The following CCSER1 variants were observed in gnomAD, a reference collection of about 807,000 sequenced individuals.
CCSER1 encodes the protein serine-rich coiled-coil domain-containing protein 1.
CCSER1 carries 41 observed loss-of-function variants against 82.0 expected under a neutral mutation model. The ratio of observed to expected loss-of-function variants is 0.50; its 90% CI spans 0.39 to 0.65. The LOEUF (loss-of-function observed/expected upper bound fraction) is 0.65, where lower values mean the gene tolerates loss of function less well. Ranked by LOEUF, CCSER1 falls within the 30% of genes least tolerant of loss-of-function variation. The pLI, the probability that CCSER1 is intolerant of heterozygous loss-of-function variation, is 0.00. For missense variants in CCSER1, 1,119 were observed against 1,064.2 expected (o/e 1.05, Z -0.72); for synonymous variants, 414 against 383.9 (o/e 1.08, Z -0.92).
intron 8 of CCSER1, among the ~76,000 whole-genome samples, chr4:90,897,737 C>G (rs1194412599): frequency 6.6e-6 from 1 of 152,072 alleles, no homozygotes; most frequent in Non-Finnish European, 1.5e-5. Context: ...TTTACATTGT[C>G]CATGAACAGT....
chr4:90,323,167 C>G (rs1266504581), intron 3 of CCSER1, among the ~76,000 whole-genome samples: 1 of 152,228 alleles, frequency 6.6e-6, no homozygotes, highest in East Asian at 1.9e-4. Flanking sequence ...CCTCCCTCTC[C>G]TTTCCTCAAG....
chr4:90,273,785 A>G (rs183419759), intron 1 of CCSER1, among the ~76,000 whole-genome samples: 3 of 152,260 alleles, frequency 2.0e-5, no homozygotes, highest in African/African-American at 7.2e-5. Context: ...ACCACACCAG[A>G]ACAACATGAG....
intron 8 of CCSER1, among the ~76,000 whole-genome samples, chr4:90,867,851 T>C (rs1765936378): frequency 6.6e-6 from 1 of 152,016 alleles, no homozygotes; most frequent in South Asian, 2.1e-4. Context: ...TCCAGTTCCA[T>C]TCATGTTGTT....
chr4:90,182,963 C>T (rs1443165037), intron 1 of CCSER1, among the ~76,000 whole-genome samples: 1 of 151,772 alleles, frequency 6.6e-6, no homozygotes, highest in East Asian at 1.9e-4. Flanking sequence ...GAAGGACATC[C>T]ATTTGTAATT....
chr4:90,907,052 A>G (rs898200040), intron 8 of CCSER1, among the ~76,000 whole-genome samples: 2 of 152,196 alleles, frequency 1.3e-5, no homozygotes, highest in African/African-American at 2.4e-5. Flanking sequence ...ATGCAGCCAT[A>G]TAAGCTTCTA....
chr4:90,222,642 C>G (rs1414888154), intron 1 of CCSER1, among the ~76,000 whole-genome samples: 2 of 152,150 alleles, frequency 1.3e-5, no homozygotes, highest in African/African-American at 2.4e-5. Flanking sequence ...CCTTGGTACT[C>G]TCTACCAACA....
At chr4:91,203,411 T>A (rs996331424) in intron 10 of CCSER1, among the ~76,000 whole-genome samples, 3 of 152,002 alleles carry the variant, frequency 2.0e-5, no homozygotes, top group Non-Finnish European at 4.4e-5. Context: ...TGTGTATTGA[T>A]TGCCTAATAC....
chr4:90,908,362 G>A (rs1008327360), intron 8 of CCSER1, among the ~76,000 whole-genome samples: 2 of 152,030 alleles, frequency 1.3e-5, no homozygotes, highest in African/African-American at 4.8e-5. Flanking sequence ...TGTGAGGAGA[G>A]TCATGTTTGC....
At chr4:90,553,666 T>C (rs1370259505) in intron 5 of CCSER1, among the ~76,000 whole-genome samples, 1 of 152,170 alleles carries the variant, frequency 6.6e-6, no homozygotes, top group Non-Finnish European at 1.5e-5. Context: ...TTTTAATTGG[T>C]TATAAATAAT....
chr4:91,183,172 T>A (rs1295395701), intron 10 of CCSER1, among the ~76,000 whole-genome samples: 4 of 152,238 alleles, frequency 2.6e-5, no homozygotes, highest in Non-Finnish European at 5.9e-5. Context: ...GTTGTTCATC[T>A]GTATGTAATA....
intron 8 of CCSER1, among the ~76,000 whole-genome samples, chr4:90,845,237 C>T (rs1763069257): frequency 6.6e-6 from 1 of 151,806 alleles, no homozygotes; most frequent in Non-Finnish European, 1.5e-5. Flanking sequence ...TGACACGCGC[C>T]TGTAATCCCA....
At chr4:90,217,106 T>C (rs1389117440) in intron 1 of CCSER1, among the ~76,000 whole-genome samples, 1 of 152,194 alleles carries the variant, frequency 6.6e-6, no homozygotes, top group Non-Finnish European at 1.5e-5. Context: ...ATAGCAGTGC[T>C]ACTAATTTTC....
Position 90,506,730 on chromosome 4 carries a change from A to C in CCSER1, c.1724+38376A>C, listed in dbSNP as rs905835197. ...CATTGAGCCAAAATTGTGCCATTGC[A>C]CTCCAACCTGGATGACAGAGTGAGA... is the stretch of plus-strand genomic sequence containing the variant. On this transcript the variant is annotated intron_variant, in intron 5 of 10. Transcript: ENST00000509176. 1.9e-4 allele frequency among the ~76,000 whole-genome samples: 29 copies of C among 151,706 alleles called. No individual in the cohort carries two copies. The East Asian group carries it at 3.3e-3, about 17-fold the overall frequency.
chr4:90,982,540 A>G (rs1736211845), intron 9 of CCSER1, among the ~76,000 whole-genome samples: 1 of 151,798 alleles, frequency 6.6e-6, no homozygotes, highest in Non-Finnish European at 1.5e-5. Context: ...AAGATATTAT[A>G]TAGAATGCTA....
intron 1 of CCSER1, among the ~76,000 whole-genome samples, chr4:90,288,503 G>T (rs531948560): frequency 6.6e-6 from 1 of 152,026 alleles, no homozygotes; most frequent in South Asian, 2.1e-4. Flanking sequence ...CATTGGAGTA[G>T]ATACTCCTCC....
intron 9 of CCSER1, among the ~76,000 whole-genome samples, chr4:90,968,908 A>G (rs1734824188): frequency 6.6e-6 from 1 of 152,056 alleles, no homozygotes; most frequent in South Asian, 2.1e-4. Context: ...CTACAGAAAC[A>G]CAGAAAAATG....
At chr4:91,196,637 A>G (rs762145065) in intron 10 of CCSER1, among the ~76,000 whole-genome samples, 8 of 152,248 alleles carry the variant, frequency 5.3e-5, no homozygotes, top group Non-Finnish European at 1.2e-4. Flanking sequence ...TGGTAAGTAT[A>G]TAAATTTGAT....
chr4:91,135,919 A>T (rs964118225), intron 10 of CCSER1, among the ~76,000 whole-genome samples: 3 of 152,182 alleles, frequency 2.0e-5, no homozygotes, highest in Non-Finnish European at 4.4e-5. Context: ...AACCTGAATC[A>T]TATATGCAAA....
At chr4:91,040,269 A>G (rs1163801945) in intron 9 of CCSER1, among the ~76,000 whole-genome samples, 1 of 152,174 alleles carries the variant, frequency 6.6e-6, no homozygotes, top group East Asian at 1.9e-4. Context: ...TTGGTTGTTC[A>G]TTTATCCTGG....
Sources: allele counts gnomAD v4.1 joint callset (sites outside exome capture counted in the v4.1 genomes callset), GRCh38; gene constraint gnomAD v4.1.1; transcripts MANE v1.5; gene names NCBI Gene and HGNC (gene_info 2026-07-23, HGNC 2026-07-21).